Variants in VPS13D observed in about 807,000 individuals in gnomAD.
VPS13D encodes the protein intermembrane lipid transfer protein VPS13D.
In VPS13D, 187 loss-of-function variants were observed where a neutral mutation model predicts 461.9. The ratio of observed to expected loss-of-function variants is 0.40; its 90% CI spans 0.36 to 0.46. VPS13D has a LOEUF of 0.46. Among genes scored for constraint, VPS13D ranks in the 20% least tolerant of loss-of-function variants. The pLI is 0.60. For missense variants in VPS13D, 4,711 were observed against 5,364.9 expected (o/e 0.88, Z 3.81); for synonymous variants, 1,951 against 1,986.3 (o/e 0.98, Z 0.47).
intron 21 of VPS13D, among the ~76,000 whole-genome samples, chr1:12,284,191 C>T (rs1445257398): frequency 6.6e-6 from 1 of 152,200 alleles, no homozygotes; most frequent in Non-Finnish European, 1.5e-5. Context: ...TAAGAATGGT[C>T]TCAAAAGTTG....
intron 18 of VPS13D, among the ~76,000 whole-genome samples, chr1:12,274,772 C>T (rs1641557310): frequency 6.6e-6 from 1 of 152,220 alleles, no homozygotes; most frequent in Admixed American, 6.5e-5. Flanking sequence ...AAGATGAGAC[C>T]TCTCTTCTCT....
rs926538089 is a variant in VPS13D, at chr1:12,299,089, T to C, written c.6034-113T>C. The C allele has an allele frequency of 1.0e-6, 1 of 984,780 alleles. No homozygotes were observed. Among genetic ancestry groups the C allele is most frequent in the Non-Finnish European group, 1.5e-6 (1 of 685,842 alleles). 61.0% of individuals were successfully genotyped at this position (984,780 alleles called of 1,614,324 possible). On this transcript the variant is annotated intron_variant, in intron 24 of 69. Transcript: ENST00000620676. The surrounding 1 kb of genome is among the most constrained non-coding windows in gnomAD (Gnocchi z 4.2). ...TCCATGGTGGTCATAGAATATGCTC[T>C]GTATGATTTTAATTGTTTTATAAAC...
Position 12,378,419 on chromosome 1 carries a change from A to G in VPS13D, c.10918-9A>G, listed in dbSNP as rs774660255. 2.9e-5 allele frequency: 46 copies of G among 1,594,078 alleles called. No homozygotes were observed. Among genetic ancestry groups the G allele is most frequent in the Non-Finnish European group, 3.7e-5 (43 of 1,171,356 alleles). On this transcript the variant is annotated splice_polypyrimidine_tract_variant and intron_variant, in intron 55 of 69. Coordinates refer to ENST00000620676, the MANE Select transcript of VPS13D (RefSeq NM_015378.4). ...GCTCTTTCTCTTTTTGCTTGTACCT[A>G]CTTAACAGGAACCAGGAAAGCGTTC...
intron 46 of VPS13D, among the ~76,000 whole-genome samples, chr1:12,353,201 A>G (rs1475730199): frequency 6.6e-6 from 1 of 152,074 alleles, no homozygotes; most frequent in African/African-American, 2.4e-5. Flanking sequence ...GGATGTATAG[A>G]ACAACATGGC....
chr1:12,479,659 A>G (rs1017759270), intron 67 of VPS13D, among the ~76,000 whole-genome samples: 1 of 152,168 alleles, frequency 6.6e-6, no homozygotes, highest in African/African-American at 2.4e-5. Context: ...CACAGAGTAC[A>G]TGCTCCTAAT....
chr1:12,492,318 A>G (rs917183636), intron 67 of VPS13D, among the ~76,000 whole-genome samples: 4 of 152,260 alleles, frequency 2.6e-5, no homozygotes, highest in Non-Finnish European at 5.9e-5. Context: ...GAAGATGGGA[A>G]TGAAAAAACA....
chr1:12,341,152 T>A (rs1297326744), intron 40 of VPS13D, among the ~76,000 whole-genome samples: 1 of 152,238 alleles, frequency 6.6e-6, no homozygotes, highest in Non-Finnish European at 1.5e-5. Flanking sequence ...ATGTTCCTTT[T>A]ATGGCTTCCA....
intron 52 of VPS13D, among the ~76,000 whole-genome samples, chr1:12,363,477 A>G (rs973732324): frequency 2.0e-4 from 30 of 152,192 alleles, no homozygotes; most frequent in Non-Finnish European, 3.2e-4. Flanking sequence ...AAAGAGTAAC[A>G]CTGAGCTCAT....
In VPS13D at chr1:12,298,116, A is replaced by G. The variant is rs533209940; in HGVS notation, c.6034-1086A>G. ...CATTTTCACCTCAGTTTCTGGGTGT[A>G]TTGTCTCATTTAATCCCTATACCTC... On this transcript the variant is annotated intron_variant, in intron 24 of 69. Transcript: ENST00000620676. Among the ~76,000 whole-genome samples the G allele has an allele frequency of 9.9e-5, 15 of 152,222 alleles. No individual in the cohort carries two copies. In the East Asian group the frequency reaches 2.9e-3, roughly 29 times the overall value.
chr1:12,259,211 T>A (rs1481407842), intron 10 of VPS13D, among the ~76,000 whole-genome samples: 1 of 151,926 alleles, frequency 6.6e-6, no homozygotes, highest in Non-Finnish European at 1.5e-5. Flanking sequence ...TCTAATTTTT[T>A]AATTTTTATG....
chr1:12,295,240 A>C (rs980442408), intron 24 of VPS13D, among the ~76,000 whole-genome samples: 4 of 151,098 alleles, frequency 2.6e-5, no homozygotes, highest in Non-Finnish European at 4.4e-5. Context: ...AAAAAAAAAA[A>C]CAAAACTTTA....
chr1:12,466,265 A>G lies in VPS13D; in HGVS notation c.12662+5869A>G, dbSNP rs188229101. Among the ~76,000 whole-genome samples the G allele has an allele frequency of 1.9e-3, 282 of 152,328 alleles. 4 individuals are homozygous for G. The highest frequency in any genetic ancestry group is 6.6e-3 in the African/African-American group (273 of 41,570). ...CCATTTCTTATACTTGGTATTACAC[A>G]TAGGACATCAAACAGAATTGGCTTG... On this transcript the variant is annotated intron_variant, in intron 67 of 69. Coordinates refer to ENST00000620676, the MANE Select transcript of VPS13D (RefSeq NM_015378.4).
chr1:12,394,247 A>G (rs1204596124), intron 60 of VPS13D, among the ~76,000 whole-genome samples: 3 of 152,076 alleles, frequency 2.0e-5, no homozygotes, highest in African/African-American at 7.2e-5. Flanking sequence ...TTATAATTCA[A>G]ACTAGTTTTT....
chr1:12,308,802 C>T (rs1404665529), intron 27 of VPS13D, among the ~76,000 whole-genome samples, 161 bp downstream of exon 27: 1 of 152,136 alleles, frequency 6.6e-6, no homozygotes, highest in Non-Finnish European at 1.5e-5. Flanking sequence ...CAGGCACATG[C>T]TACCATGCCC....
chr1:12,337,988 G>GAA (rs76484186), intron 39 of VPS13D: 575 of 296,790 alleles, frequency 1.9e-3, no homozygotes, highest in South Asian at 5.0e-3. Flanking sequence ...TCTAATTCAG[G>GAA]AAAAAAAAAA....
intron 20 of VPS13D, among the ~76,000 whole-genome samples, chr1:12,281,307 A>G (rs1171988469): frequency 6.6e-6 from 1 of 152,190 alleles, no homozygotes; most frequent in African/African-American, 2.4e-5. Flanking sequence ...ATCAGGATAC[A>G]GACAATTGGA....
intron 68 of VPS13D, among the ~76,000 whole-genome samples, chr1:12,500,700 C>T (rs1187987621): frequency 1.3e-5 from 2 of 151,752 alleles, no homozygotes; most frequent in African/African-American, 4.8e-5. Flanking sequence ...TATGCATCCA[C>T]CAGCCAGATA....
chr1:12,410,646 T>C (rs1432055067), intron 63 of VPS13D, among the ~76,000 whole-genome samples: 1 of 152,182 alleles, frequency 6.6e-6, no homozygotes, highest in Non-Finnish European at 1.5e-5. Context: ...CAGAAAACTA[T>C]AATTTTTTTA....
In VPS13D at chr1:12,505,528, A is replaced by G. The variant is rs997052982; in HGVS notation, c.12795-1325A>G. The stretch of plus-strand genomic sequence containing the variant: ...AAATGGCAACTGGAACAAGGCAGTC[A>G]CTTACTGAGCGCTGATGGGGTGGCC... On this transcript the variant is annotated intron_variant, in intron 68 of 69. Transcript: ENST00000620676. The surrounding 1 kb of genome is among the most constrained non-coding windows in gnomAD (Gnocchi z 4.2). Among the ~76,000 whole-genome samples, 2 of 152,204 alleles carry G rather than the reference A, an allele frequency of 1.3e-5. No homozygotes were observed. Among genetic ancestry groups the G allele is most frequent in the African/African-American group, 4.8e-5 (2 of 41,452 alleles).
Sources: gnomAD v4.1 joint callset for allele counts (sites outside exome capture counted in the v4.1 genomes callset) on GRCh38, gnomAD v4.1.1 for gene constraint, Gnocchi (gnomAD v3.1) non-coding constraint, MANE v1.5 for transcripts, NCBI Gene and HGNC (gene_info 2026-07-23, HGNC 2026-07-21) for gene names.